JMJD1C: variants seen among roughly 807,000 people sequenced by gnomAD.
JMJD1C encodes jumonji domain-containing protein 1C.
In JMJD1C, 31 loss-of-function variants were observed where a neutral mutation model predicts 245.3. The observed-to-expected ratio is 0.13, with a 90% CI of 0.09 to 0.17. The LOEUF (loss-of-function observed/expected upper bound fraction) is 0.17. Among genes scored for constraint, JMJD1C ranks in the 10% least tolerant of loss-of-function variants. The pLI is 1.00. For synonymous variants in JMJD1C, 1,057 were observed against 1,017.4 expected, an observed-to-expected ratio of 1.04 and a Z score of -0.74; for missense variants, 2,691 against 3,000.2, an observed-to-expected ratio of 0.90 and a Z score of 2.41.
rs1467693006 is a variant in JMJD1C at position 63,193,378 on chromosome 10, A to G, written c.5829T>C (p.Val1943=). 1 of 1,604,580 alleles carries G rather than the reference A, an allele frequency of 6.2e-7. No individual in the cohort carries two copies. Among genetic ancestry groups the G allele is most frequent in the African/African-American group, 1.3e-5 (1 of 74,620 alleles). ...CACCATTCATTGTAGGAAAATTTCC[A>G]ACTTGTAAATTCTGTTTGTTAGTAC... ...CHCTNKQNLQ[V]GNFPTMNGVS... is the part of the protein sequence containing the mutation. Residue 1943 remains valine (V), a synonymous_variant, in exon 15 of 26, where the codon GTT becomes GTC. Coordinates refer to ENST00000399262, the MANE Select transcript of JMJD1C (RefSeq NM_032776.3).
chr10:63,503,512 G>A (rs1364992905), intron 1 of JMJD1C, among the ~76,000 whole-genome samples: 2 of 152,108 alleles, frequency 1.3e-5, no homozygotes, highest in Admixed American at 1.3e-4. Context: ...TAACATGTGA[G>A]TTTCTGCTAA....
intron 2 of JMJD1C, among the ~76,000 whole-genome samples, chr10:63,378,647 T>C (rs558143844): frequency 6.6e-6 from 1 of 152,338 alleles, no homozygotes; most frequent in African/African-American, 2.4e-5. Context: ...TTAACTCTGA[T>C]ACTGATGTAT....
At chr10:63,342,496 C>T (rs1943468441) in intron 2 of JMJD1C, among the ~76,000 whole-genome samples, 1 of 152,198 alleles carries the variant, frequency 6.6e-6, no homozygotes. Context: ...TCCTCAAATG[C>T]TTCTAAGCTT....
chr10:63,173,979 A>C (rs570287043), intron 24 of JMJD1C, among the ~76,000 whole-genome samples: 2 of 152,318 alleles, frequency 1.3e-5, no homozygotes, highest in Admixed American at 6.5e-5. Flanking sequence ...ACAAAGTAAA[A>C]CCACCATGAG....
rs1276168198 is a variant in JMJD1C, at chr10:63,355,855, A to G, written c.333+24463T>C. 3.3e-5 allele frequency among the ~76,000 whole-genome samples: 5 copies of G among 152,322 alleles called. No individual in the cohort carries two copies. In the South Asian group the frequency reaches 1.0e-3, roughly 32 times the overall value. On this transcript the variant is annotated intron_variant, in intron 2 of 25. Coordinates refer to ENST00000399262, the MANE Select transcript of JMJD1C (RefSeq NM_032776.3). ...AGGTCCAACTTTATTTGGACTACAC[A>G]ATAATGAGGTTTCAAGGCTAGCTGA...
chr10:63,237,187 G>A (rs1217380697), intron 3 of JMJD1C, among the ~76,000 whole-genome samples: 1 of 152,076 alleles, frequency 6.6e-6, no homozygotes, highest in Non-Finnish European at 1.5e-5. Context: ...ACAGGTGCCT[G>A]CCACCATGCC....
intron 22 of JMJD1C, among the ~76,000 whole-genome samples, chr10:63,180,466 A>G (rs540553978): frequency 6.6e-6 from 1 of 152,380 alleles, no homozygotes; most frequent in South Asian, 2.1e-4. Context: ...TCACATCAGT[A>G]CAAAGGGTAC....
intron 2 of JMJD1C, among the ~76,000 whole-genome samples, chr10:63,277,277 G>A (rs553709212): frequency 6.9e-6 from 1 of 145,250 alleles, no homozygotes; most frequent in East Asian, 2.1e-4. Flanking sequence ...AGGGCAACCG[G>A]CCTGAGCCAC....
At chr10:63,406,851 A>G (rs941605092) in intron 1 of JMJD1C, among the ~76,000 whole-genome samples, 1 of 152,198 alleles carries the variant, frequency 6.6e-6, no homozygotes, top group Non-Finnish European at 1.5e-5. Context: ...GACACTTACA[A>G]AAGTCAAATT....
intron 3 of JMJD1C, among the ~76,000 whole-genome samples, chr10:63,261,285 A>C (rs1854709052): frequency 6.6e-6 from 1 of 152,138 alleles, no homozygotes; most frequent in Non-Finnish European, 1.5e-5. Flanking sequence ...ACGTCACCCA[A>C]AAATCTGACC....
chr10:63,475,065 T>C (rs1324226889), intron 1 of JMJD1C, among the ~76,000 whole-genome samples: 1 of 152,138 alleles, frequency 6.6e-6, no homozygotes, highest in Non-Finnish European at 1.5e-5. Context: ...GTATAAAATG[T>C]AAAGATAAAT....
intron 1 of JMJD1C, among the ~76,000 whole-genome samples, chr10:63,497,132 C>G (rs188320590): frequency 8.4e-4 from 127 of 151,914 alleles, no homozygotes; most frequent in Middle Eastern, 3.4e-3. Flanking sequence ...AAGTAGCACC[C>G]AACTTCTTTT....
intron 2 of JMJD1C, among the ~76,000 whole-genome samples, chr10:63,329,280 A>G (rs1941868778): frequency 7.0e-6 from 1 of 142,898 alleles, no homozygotes; most frequent in Admixed American, 7.0e-5. Context: ...ACCTTATTTC[A>G]AAAAAAAAAA....
At chr10:63,225,147 T>C (rs1019357175) in intron 3 of JMJD1C, among the ~76,000 whole-genome samples, 2 of 152,176 alleles carry the variant, frequency 1.3e-5, no homozygotes, top group Non-Finnish European at 2.9e-5. Context: ...TACCTATATA[T>C]AGTTCTTATC....
At chr10:63,401,510 T>C (rs983932566) in intron 1 of JMJD1C, among the ~76,000 whole-genome samples, 9 of 152,124 alleles carry the variant, frequency 5.9e-5, no homozygotes, top group African/African-American at 1.7e-4. Flanking sequence ...GCCTCTTGTA[T>C]TGTTACTGAT....
chr10:63,446,327 G>A lies in JMJD1C; in HGVS notation c.168+19168C>T, dbSNP rs879882258. On this transcript the variant is annotated intron_variant, in intron 1 of 25. Coordinates refer to ENST00000399262, the MANE Select transcript of JMJD1C (RefSeq NM_032776.3). ...TACTGGATAATGAAGACTCAAGGCA[G>A]AACAGGTTAGTATCAGGAACTCAGC... Among the ~76,000 whole-genome samples, 47 of 152,168 alleles carry A rather than the reference G, an allele frequency of 3.1e-4. 1 individual carries two copies. Among genetic ancestry groups the A allele is most frequent in the Admixed American group, 2.9e-3 (45 of 15,276 alleles).
chr10:63,277,731 CTTTTTTTTTT>C (rs35442695), intron 2 of JMJD1C, among the ~76,000 whole-genome samples: 3 of 64,262 alleles, frequency 4.7e-5, no homozygotes, highest in South Asian at 7.0e-4. Flanking sequence ...ATTTGCATTT[CTTTTTTTTTT>C]TTTTTTTTTT....
At chr10:63,434,788 C>A (rs1950970802) in intron 1 of JMJD1C, among the ~76,000 whole-genome samples, 2 of 152,002 alleles carry the variant, frequency 1.3e-5, no homozygotes, top group Non-Finnish European at 2.9e-5. Flanking sequence ...GTGGATGAAA[C>A]AAACTGAAAG....
upstream of JMJD1C, chr10:63,466,094 G>A (rs973138525): frequency 3.6e-5 from 7 of 193,920 alleles, no homozygotes; most frequent in African/African-American, 7.2e-5. Context: ...AGTAGTGCCC[G>A]GCCCTGCGGA....
Sources: allele counts gnomAD v4.1 joint callset (sites outside exome capture counted in the v4.1 genomes callset), GRCh38; gene constraint gnomAD v4.1.1; transcripts MANE v1.5; gene names NCBI Gene and HGNC (gene_info 2026-07-23, HGNC 2026-07-21).